SLC2A9: variants seen among roughly 807,000 people sequenced by gnomAD.
SLC2A9 encodes solute carrier family 2 member 9.
In SLC2A9, 39 loss-of-function variants were observed where a neutral mutation model predicts 50.6. The observed-to-expected ratio is 0.77, with a 90% CI of 0.60 to 1.01. SLC2A9 has a LOEUF of 1.01. SLC2A9 is among the 50% of genes least tolerant of loss of function. The pLI is 0.00. For synonymous variants in SLC2A9, 324 were observed against 276.9 expected (o/e 1.17, Z -1.69); for missense variants, 686 against 677.6 (o/e 1.01, Z -0.14).
intron 11 of SLC2A9, among the ~76,000 whole-genome samples, chr4:9,828,476 C>T (rs1725499606): frequency 6.6e-6 from 1 of 152,206 alleles, no homozygotes; most frequent in Non-Finnish European, 1.5e-5. Context: ...TGCAGGAAAG[C>T]CAAAGTCCTC....
intron 5 of SLC2A9, among the ~76,000 whole-genome samples, chr4:9,951,124 G>C (rs1233885809): frequency 6.6e-6 from 1 of 152,032 alleles, no homozygotes; most frequent in Non-Finnish European, 1.5e-5. Context: ...AAGAAACTTT[G>C]GTATATATAC....
intron 3 of SLC2A9, among the ~76,000 whole-genome samples, chr4:9,811,250 T>C (rs1315720398): frequency 2.0e-5 from 3 of 152,224 alleles, no homozygotes; most frequent in African/African-American, 7.2e-5. Flanking sequence ...CTCCTCATCC[T>C]GCATGCCCCT....
chr4:9,951,940 G>A (rs1470744252), intron 5 of SLC2A9, among the ~76,000 whole-genome samples: 2 of 152,240 alleles, frequency 1.3e-5, no homozygotes, highest in Non-Finnish European at 2.9e-5. Flanking sequence ...CTGCCTGGAA[G>A]GCAGAGGCTA....
chr4:9,810,581 C>A (rs751321814), intron 3 of SLC2A9, among the ~76,000 whole-genome samples: 105 of 152,158 alleles, frequency 6.9e-4, no homozygotes, highest in Non-Finnish European at 1.1e-3. Flanking sequence ...CAGGCATGAG[C>A]ATTTACTAAT....
At chr4:9,982,771 T>G (rs1756090898) in intron 4 of SLC2A9, among the ~76,000 whole-genome samples, 1 of 152,218 alleles carries the variant, frequency 6.6e-6, no homozygotes, top group Non-Finnish European at 1.5e-5. Flanking sequence ...ATAACAACAA[T>G]GACAATAATA....
At chr4:9,821,415 T>A (rs1405483023), downstream of SLC2A9, among the ~76,000 whole-genome samples, 1 of 152,104 alleles carries the variant, frequency 6.6e-6, no homozygotes, top group East Asian at 1.9e-4. Flanking sequence ...CGAAACACTG[T>A]ATGTTCTTAT....
chr4:9,830,499 C>G (rs1178409145), intron 11 of SLC2A9, among the ~76,000 whole-genome samples: 1 of 152,188 alleles, frequency 6.6e-6, no homozygotes, highest in African/African-American at 2.4e-5. Flanking sequence ...GCACATCCTG[C>G]ACATGTACCC....
At chr4:9,879,214 G>T (rs185169758) in intron 10 of SLC2A9, 1 of 985,346 alleles carries the variant, frequency 1.0e-6, no homozygotes, top group Non-Finnish European at 1.2e-6. Context: ...GAGCCCAGAG[G>T]GGCGGGCTGT....
At chr4:10,025,616 A>T (rs1324339865), upstream of SLC2A9, 1 of 415,000 alleles carries the variant, frequency 2.4e-6, no homozygotes. Flanking sequence ...CATTGTCAAC[A>T]TCAATGTCCC....
rs376696753 is a variant in SLC2A9 at position 9,783,115 on chromosome 4, C to G, written n.386-3050G>C. On this transcript the variant is annotated intron_variant and non_coding_transcript_variant, in intron 3 of 3. Coordinates refer to the SLC2A9 transcript ENST00000503803. ...TCAACCCCGTCATCTATGCCTTCAA[C>G]GCCGACTTTCAGAAGGTGTTTGCCC... 1.5e-5 allele frequency: 25 copies of G among 1,614,122 alleles called. No homozygotes were observed. Among genetic ancestry groups the G allele is most frequent in the Non-Finnish European group, 1.9e-5 (23 of 1,180,060 alleles).
chr4:9,987,717 T>G (rs534991047), intron 3 of SLC2A9, among the ~76,000 whole-genome samples: 2 of 151,986 alleles, frequency 1.3e-5, no homozygotes, highest in African/African-American at 2.4e-5. Context: ...TAAACCAGCC[T>G]CTCGGGAGAC....
At chr4:10,018,848 T>A in intron 2 of SLC2A9, 127 bp downstream of exon 2, 1 of 876,944 alleles carries the variant, frequency 1.1e-6, no homozygotes, top group Non-Finnish European at 1.8e-6. Flanking sequence ...TGGGGGCTAA[T>A]CTCTGTCCCC....
At chr4:9,804,260 C>A (rs1052404717) in intron 3 of SLC2A9, among the ~76,000 whole-genome samples, 1 of 152,182 alleles carries the variant, frequency 6.6e-6, no homozygotes, top group Admixed American at 6.5e-5. Flanking sequence ...GACTCAGGAG[C>A]CATGAACTTT....
At chr4:9,865,451 A>G (rs1360501888) in intron 10 of SLC2A9, among the ~76,000 whole-genome samples, 1 of 152,214 alleles carries the variant, frequency 6.6e-6, no homozygotes, top group Non-Finnish European at 1.5e-5. Flanking sequence ...GAGACCATTT[A>G]TCATTTCTTT....
chr4:9,776,749 G>T (rs1436037046), downstream of SLC2A9, among the ~76,000 whole-genome samples: 1 of 152,116 alleles, frequency 6.6e-6, no homozygotes. Context: ...TCTTATAACA[G>T]GGGCTTAAAG....
intron 10 of SLC2A9, among the ~76,000 whole-genome samples, chr4:9,852,577 T>G (rs2109325731): frequency 6.6e-6 from 1 of 152,234 alleles, no homozygotes; most frequent in Middle Eastern, 3.4e-3. Flanking sequence ...GAAAAGAAAT[T>G]CCAATCAAGA....
At chr4:9,838,229 G>A (rs1394139106) in intron 10 of SLC2A9, among the ~76,000 whole-genome samples, 1 of 152,088 alleles carries the variant, frequency 6.6e-6, no homozygotes, top group Non-Finnish European at 1.5e-5. Context: ...GATGATGATG[G>A]TAATGATGAT....
chr4:10,009,142 C>T lies in SLC2A9; in HGVS notation c.249+9833G>A, dbSNP rs564661244. Among the ~76,000 whole-genome samples the T allele has an allele frequency of 3.3e-5, 5 of 152,296 alleles. No individual in the cohort carries two copies. The South Asian group carries it at 1.0e-3, about 32-fold the overall frequency. ...CTTGAGCCCTGCTATGCCTCCCCCT[C>T]ACCCCAACCAGAACTTATGTCGTTT... On this transcript the variant is annotated intron_variant, in intron 2 of 11. Coordinates refer to ENST00000264784, the MANE Select transcript of SLC2A9 (RefSeq NM_020041.3).
chr4:9,872,073 G>C (rs1733533525), intron 10 of SLC2A9, among the ~76,000 whole-genome samples: 1 of 152,190 alleles, frequency 6.6e-6, no homozygotes, highest in African/African-American at 2.4e-5. Flanking sequence ...AGGGACCCGG[G>C]TGGGGGATGT....
Sources: allele counts gnomAD v4.1 joint callset (sites outside exome capture counted in the v4.1 genomes callset), GRCh38; gene constraint gnomAD v4.1.1; transcripts MANE v1.5; gene names NCBI Gene and HGNC (gene_info 2026-07-23, HGNC 2026-07-21).